Variants in SF3A1 observed in about 807,000 individuals in gnomAD.
SF3A1 encodes SAP 114.
A neutral mutation model predicts 89.9 loss-of-function variants in SF3A1; 13 were observed. The ratio of observed to expected loss-of-function variants is 0.14; its 90% CI spans 0.09 to 0.23. The LOEUF is 0.23. Ranked by LOEUF, SF3A1 falls within the 10% of genes least tolerant of loss-of-function variation. The probability of loss-of-function intolerance (pLI) is 1.00; values close to 1 mark genes in which losing one functional copy is unlikely to be tolerated. For missense variants in SF3A1, 604 were observed against 1,022.1 expected, an observed-to-expected ratio of 0.59 and a Z score of 5.58; for synonymous variants, 405 against 374.4, an observed-to-expected ratio of 1.08 and a Z score of -0.94.
At chr22:30,351,701 T>C (rs930191696) in intron 2 of SF3A1, among the ~76,000 whole-genome samples, 1 of 152,246 alleles carries the variant, frequency 6.6e-6, no homozygotes, top group Non-Finnish European at 1.5e-5. Flanking sequence ...TCTCACTATG[T>C]TGCCCAGGCT....
chr22:30,352,793 C>T (rs2145823222), intron 2 of SF3A1, 158 bp downstream of exon 2: 1 of 724,078 alleles, frequency 1.4e-6, no homozygotes, highest in Non-Finnish European at 2.2e-6. Flanking sequence ...TCAGGGACAC[C>T]AGTCCTACCT....
At chr22:30,356,319 G>T (rs930179470) in intron 1 of SF3A1, among the ~76,000 whole-genome samples, 1 of 152,236 alleles carries the variant, frequency 6.6e-6, no homozygotes, top group Non-Finnish European at 1.5e-5. Context: ...AAGATGTACC[G>T]TGCAGGCTGG....
intron 2 of SF3A1, among the ~76,000 whole-genome samples, chr22:30,349,669 T>C (rs200990011): frequency 0.2 from 29,510 of 148,554 alleles, 3,061 homozygotes; most frequent in Middle Eastern, 0.33. Context: ...TTTCTTTCTT[T>C]TTTTTTTTTT....
chr22:30,339,847 T>G (rs1248629960), intron 9 of SF3A1, among the ~76,000 whole-genome samples: 1 of 152,214 alleles, frequency 6.6e-6, no homozygotes, highest in East Asian at 1.9e-4. Context: ...GAGTCAAAAC[T>G]AGAAGCCCAG....
At position 30,339,224 on chromosome 22, in the gene SF3A1, T is replaced by A; in HGVS notation, c.1403A>T (p.Gln468Leu). The change falls in exon 10 of 16, where the codon CAG becomes CTG. Residue 468 changes from glutamine to leucine, a missense_variant. Transcript: ENST00000215793. ...PGLDIESSLKQLAERRTDIFG... is the reference protein window; with the variant it reads ...PGLDIESSLKLLAERRTDIFG... ...GATGTCAGTACGCCGCTCAGCCAAC[T>A]GCTTCAAGCTGCTCTCAATATCCAG... 1.9e-6 allele frequency: 3 copies of A among 1,614,120 alleles called. No individual in the cohort carries two copies. Among genetic ancestry groups the A allele is most frequent in the Non-Finnish European group, 2.5e-6 (3 of 1,180,038 alleles).
intron 4 of SF3A1, 44 bp downstream of exon 4, chr22:30,344,889 T>C: frequency 2.5e-6 from 4 of 1,596,304 alleles, no homozygotes; most frequent in Non-Finnish European, 3.4e-6. Context: ...TAAGATGTTT[T>C]CCTTTCCTGG....
rs67401267 is a variant in SF3A1 at position 30,354,220 on chromosome 22, G to A, written c.64-1148C>T. On this transcript the variant is annotated intron_variant, in intron 1 of 15. Coordinates refer to ENST00000215793, the MANE Select transcript of SF3A1 (RefSeq NM_005877.6). ...CTCTGCCTTCATGTTCTTTTCTGCC[G>A]CTGCCTTCTCCCACACCTTCCTCTG... Among the ~76,000 whole-genome samples, 39 of 152,134 alleles carry A rather than the reference G, an allele frequency of 2.6e-4. No individual in the cohort carries two copies. The East Asian group carries it at 5.2e-3, about 20-fold the overall frequency.
chr22:30,353,285 G>C (rs1316384082), intron 1 of SF3A1, among the ~76,000 whole-genome samples: 1 of 152,106 alleles, frequency 6.6e-6, no homozygotes, highest in Non-Finnish European at 1.5e-5. Flanking sequence ...CAGCTTCCCT[G>C]GCTCCTCTCT....
intron 1 of SF3A1, 36 bp downstream of exon 1, chr22:30,356,694 C>T: frequency 1.4e-6 from 2 of 1,445,184 alleles, no homozygotes; most frequent in Non-Finnish European, 9.2e-7. Flanking sequence ...CCAGGCCAAC[C>T]CTCCGGCTGC....
At chr22:30,353,373 C>G (rs1017705740) in intron 1 of SF3A1, among the ~76,000 whole-genome samples, 2 of 152,028 alleles carry the variant, frequency 1.3e-5, no homozygotes, top group Non-Finnish European at 2.9e-5. Context: ...GTTGTCCTTC[C>G]CAGTTTCTCC....
chr22:30,355,999 C>T (rs972782478), intron 1 of SF3A1, among the ~76,000 whole-genome samples: 1 of 152,128 alleles, frequency 6.6e-6, no homozygotes, highest in African/African-American at 2.4e-5. Flanking sequence ...CTTAATATCC[C>T]TTCTAGCCCA....
At chr22:30,353,719 G>A (rs9608888) in intron 1 of SF3A1, among the ~76,000 whole-genome samples, 2 of 151,964 alleles carry the variant, frequency 1.3e-5, no homozygotes, top group East Asian at 1.9e-4. Flanking sequence ...TTTCTTTTTC[G>A]GGGAGCTCGG....
Position 30,335,545 on chromosome 22 carries a change from G to C in SF3A1, c.2209-7C>G, listed in dbSNP as rs200915294. 6.2e-7 allele frequency: 1 copy of C among 1,614,122 alleles called. No individual in the cohort carries two copies. The highest frequency in any genetic ancestry group is 8.5e-7 in the Non-Finnish European group (1 of 1,179,938). ...TCACCTTAATGACAGAGACCTGTGG[G>C]ATCAAGCAGCGGTCATTCAACTCCT... On this transcript the variant is annotated splice_region_variant and splice_polypyrimidine_tract_variant and intron_variant, in intron 14 of 15. Transcript: ENST00000215793.
chr22:30,342,429 A>T, intron 5 of SF3A1, 79 bp from the exon 6 acceptor site: 1 of 1,478,874 alleles, frequency 6.8e-7, no homozygotes, highest in Non-Finnish European at 9.1e-7. Context: ...CAGGGCTTTC[A>T]TCAAAGTCAG....
intron 13 of SF3A1, among the ~76,000 whole-genome samples, chr22:30,336,240 C>G (rs184570508): frequency 2.4e-4 from 36 of 152,234 alleles, no homozygotes; most frequent in Non-Finnish European, 4.7e-4. Flanking sequence ...ACAAACAGAG[C>G]GGGTGCAGTG....
At chr22:30,345,345 G>C (rs562817480) in intron 3 of SF3A1, among the ~76,000 whole-genome samples, 155 bp from the exon 4 acceptor site, 1 of 152,332 alleles carries the variant, frequency 6.6e-6, no homozygotes, top group African/African-American at 2.4e-5. Context: ...CTTGGTGTGA[G>C]AGAATTCTAA....
Position 30,334,315 on chromosome 22 carries a change from C to G in SF3A1, c.*279G>C, listed in dbSNP as rs1260751436. ...ATCCTGTAGGACATCCCTGGGCTCT[C>G]AGTTGCTAATGGGCTGCTGAAGAAA... On this transcript the variant is annotated 3_prime_UTR_variant, in exon 16 of 16. Coordinates refer to ENST00000215793, the MANE Select transcript of SF3A1 (RefSeq NM_005877.6). 3.4e-6 allele frequency: 1 copy of G among 296,656 alleles called. No individual in the cohort carries two copies. Among genetic ancestry groups the G allele is most frequent in the Admixed American group, 5.6e-5 (1 of 17,970 alleles). 18.4% of individuals were successfully genotyped at this position (296,656 alleles called of 1,614,324 possible).
intron 6 of SF3A1, 139 bp from the exon 7 acceptor site, chr22:30,342,024 G>T: frequency 1.7e-6 from 2 of 1,146,896 alleles, no homozygotes; most frequent in Non-Finnish European, 2.5e-6. Flanking sequence ...TGGCAAGTAC[G>T]TATTGAATCT....
At chr22:30,339,687 C>A (rs534169314) in intron 9 of SF3A1, among the ~76,000 whole-genome samples, 2 of 152,134 alleles carry the variant, frequency 1.3e-5, no homozygotes, top group African/African-American at 2.4e-5. Context: ...ACGTGAGAGG[C>A]GGAAGTTGCA....
Sources: allele counts gnomAD v4.1 joint callset (sites outside exome capture counted in the v4.1 genomes callset), GRCh38; gene constraint gnomAD v4.1.1; transcripts MANE v1.5; gene names NCBI Gene and HGNC (gene_info 2026-07-23, HGNC 2026-07-21).